AGBL4: variants seen among roughly 807,000 people sequenced by gnomAD.
AGBL4 encodes the protein cytosolic carboxypeptidase 6.
AGBL4 carries 58 observed loss-of-function variants against 66.4 expected under a neutral mutation model. That is an observed-to-expected ratio of 0.87 (90% CI 0.71 to 1.09). AGBL4 has a LOEUF of 1.09. Ranked by LOEUF, AGBL4 falls within the 50% of genes least tolerant of loss-of-function variation. The probability of loss-of-function intolerance (pLI) is 0.00; values close to 1 mark genes in which losing one functional copy is unlikely to be tolerated. For missense variants in AGBL4, 579 were observed against 631.0 expected (o/e 0.92, Z 0.88); for synonymous variants, 234 against 222.9 (o/e 1.05, Z -0.44).
At chr1:49,428,516 G>A (rs1310857149) in intron 3 of AGBL4, among the ~76,000 whole-genome samples, 1 of 152,196 alleles carries the variant, frequency 6.6e-6, no homozygotes, top group Non-Finnish European at 1.5e-5. Flanking sequence ...AGCAGCAGAG[G>A]TCTAGCCAGC....
intron 3 of AGBL4, among the ~76,000 whole-genome samples, chr1:49,535,714 C>T (rs1390254628): frequency 2.6e-5 from 4 of 152,010 alleles, no homozygotes; most frequent in East Asian, 1.9e-4. Context: ...TTTTTTGAGA[C>T]GGAGTCTCCC....
intron 4 of AGBL4, among the ~76,000 whole-genome samples, chr1:49,079,883 A>G (rs1346668230): frequency 1.3e-5 from 2 of 152,206 alleles, no homozygotes; most frequent in African/African-American, 4.8e-5. Context: ...CACATTTGCC[A>G]AAGTTTTTCC....
intron 5 of AGBL4, among the ~76,000 whole-genome samples, chr1:48,899,414 G>C (rs1014210729): frequency 9.3e-6 from 1 of 107,770 alleles, no homozygotes; most frequent in Non-Finnish European, 1.9e-5. Context: ...CAAACAATAA[G>C]TTAATAGTTT....
chr1:49,867,382 CACA>C (rs1424110340), intron 1 of AGBL4, among the ~76,000 whole-genome samples: 1 of 150,698 alleles, frequency 6.6e-6, no homozygotes, highest in Non-Finnish European at 1.5e-5. Context: ...GGTACATGTG[CACA>C]ACATGCAGGT....
chr1:48,740,335 T>A (rs1200748989), intron 6 of AGBL4, among the ~76,000 whole-genome samples: 5 of 152,188 alleles, frequency 3.3e-5, no homozygotes, highest in Non-Finnish European at 5.9e-5. Flanking sequence ...TGGCTTTCAG[T>A]TCCTGCCTGC....
At chr1:49,029,324 TA>T (rs1201173853) in intron 5 of AGBL4, among the ~76,000 whole-genome samples, 3 of 152,074 alleles carry the variant, frequency 2.0e-5, no homozygotes, top group South Asian at 4.1e-4. Flanking sequence ...AGGAATCTAA[TA>T]AAAAACAATT....
intron 5 of AGBL4, among the ~76,000 whole-genome samples, chr1:48,929,299 C>T (rs933640323): frequency 7.2e-5 from 11 of 152,270 alleles, no homozygotes; most frequent in Non-Finnish European, 8.8e-5. Flanking sequence ...TCTCAAGTCT[C>T]ATCCTCCCCT....
chr1:48,979,323 A>G (rs1488005126), intron 5 of AGBL4, among the ~76,000 whole-genome samples: 4 of 152,198 alleles, frequency 2.6e-5, no homozygotes, highest in Non-Finnish European at 5.9e-5. Flanking sequence ...ACAAATATGT[A>G]TCACGTGCCT....
intron 11 of AGBL4, among the ~76,000 whole-genome samples, chr1:48,557,581 T>G (rs1418782957): frequency 6.6e-6 from 1 of 152,160 alleles, no homozygotes; most frequent in East Asian, 1.9e-4. Context: ...CTGTCTCGGT[T>G]GCAGAGATCA....
At chr1:49,212,260 G>C (rs139186001) in intron 4 of AGBL4, among the ~76,000 whole-genome samples, 2 of 152,196 alleles carry the variant, frequency 1.3e-5, no homozygotes, top group Non-Finnish European at 2.9e-5. Context: ...ATGTGTAAAA[G>C]AGGATGACAA....
At chr1:49,175,424 G>T (rs1295612700) in intron 4 of AGBL4, among the ~76,000 whole-genome samples, 2 of 152,118 alleles carry the variant, frequency 1.3e-5, no homozygotes, top group East Asian at 3.9e-4. Context: ...AAAGATAATG[G>T]CAACTTAATT....
chr1:48,673,505 TTATA>T (rs1646310272), intron 6 of AGBL4, among the ~76,000 whole-genome samples: 1 of 152,232 alleles, frequency 6.6e-6, no homozygotes. Flanking sequence ...ACTGGCATTT[TTATA>T]TAAGCACCGA....
At chr1:49,567,083 C>T (rs1334599944) in intron 3 of AGBL4, among the ~76,000 whole-genome samples, 2 of 152,218 alleles carry the variant, frequency 1.3e-5, no homozygotes, top group Non-Finnish European at 2.9e-5. Context: ...GCTCCGTGGG[C>T]ATAGGACCCT....
At chr1:49,560,165 A>G (rs183910972) in intron 3 of AGBL4, among the ~76,000 whole-genome samples, 2 of 152,286 alleles carry the variant, frequency 1.3e-5, no homozygotes, top group East Asian at 3.9e-4. Flanking sequence ...TGGAGGAACA[A>G]TATGTTACCT....
At position 50,023,949 on chromosome 1, in the gene AGBL4, G is replaced by T; in HGVS notation, c.-153C>A. The T allele has an allele frequency of 1.3e-6, 1 of 752,696 alleles. No individual in the cohort carries two copies. The highest frequency in any genetic ancestry group is 2.0e-6 in the Non-Finnish European group (1 of 502,064). The allele number at this position is 752,696 out of a possible 1,614,324, so 46.6% of individuals were successfully genotyped here. On this transcript the variant is annotated 5_prime_UTR_variant, in exon 1 of 14. Coordinates refer to ENST00000371839, the MANE Select transcript of AGBL4 (RefSeq NM_032785.4). ...CGGCAGGCGCGCGGGTGGCCGGCGCGCGGCTGAGGGCGGGAGGGACGCCTG... is the reference window on the plus strand; with the variant it reads ...CGGCAGGCGCGCGGGTGGCCGGCGCTCGGCTGAGGGCGGGAGGGACGCCTG...
chr1:49,830,704 T>A (rs555619344), intron 2 of AGBL4, among the ~76,000 whole-genome samples: 3 of 152,194 alleles, frequency 2.0e-5, no homozygotes, highest in Non-Finnish European at 4.4e-5. Context: ...CTGAATGGTA[T>A]TGCCTAGGTT....
At chr1:49,928,302 G>A (rs938227161) in intron 1 of AGBL4, among the ~76,000 whole-genome samples, 2 of 152,130 alleles carry the variant, frequency 1.3e-5, no homozygotes, top group African/African-American at 4.8e-5. Flanking sequence ...CCAGGCTGGA[G>A]TGCAGTGGCA....
chr1:49,388,816 A>G (rs1370379569), intron 3 of AGBL4, among the ~76,000 whole-genome samples: 1 of 152,158 alleles, frequency 6.6e-6, no homozygotes, highest in African/African-American at 2.4e-5. Context: ...ATGCATTCGC[A>G]CAGAAGTTTA....
intron 3 of AGBL4, among the ~76,000 whole-genome samples, chr1:49,281,771 T>C (rs1047160746): frequency 3.3e-5 from 5 of 152,214 alleles, no homozygotes; most frequent in Admixed American, 6.5e-5. Flanking sequence ...AGAAATCTTC[T>C]GCGCTGCTGA....
Sources: allele counts gnomAD v4.1 joint callset (sites outside exome capture counted in the v4.1 genomes callset), GRCh38; gene constraint gnomAD v4.1.1; transcripts MANE v1.5; gene names NCBI Gene and HGNC (gene_info 2026-07-23, HGNC 2026-07-21).